Variants in CDC16 observed in about 807,000 individuals in gnomAD.
The protein encoded by CDC16 is cell division cycle 16.
CDC16 carries 34 observed loss-of-function variants against 87.0 expected under a neutral mutation model. That is an observed-to-expected ratio of 0.39 (90% CI 0.30 to 0.52). The LOEUF (loss-of-function observed/expected upper bound fraction) is 0.52, where lower values mean the gene tolerates loss of function less well. CDC16 is among the 20% of genes least tolerant of loss of function. The probability of loss-of-function intolerance (pLI) is 0.74; values close to 1 mark genes in which losing one functional copy is unlikely to be tolerated. For missense variants in CDC16, 653 were observed against 751.9 expected (o/e 0.87, Z 1.54); for synonymous variants, 263 against 260.6 (o/e 1.01, Z -0.09).
intron 1 of CDC16, among the ~76,000 whole-genome samples, chr13:114,236,443 A>T (rs2081253318): frequency 6.6e-6 from 1 of 152,198 alleles, no homozygotes; most frequent in Non-Finnish European, 1.5e-5. Context: ...TATTACAGGA[A>T]TGTTTGTATT....
At chr13:114,261,154 T>C (rs898061106) in intron 14 of CDC16, among the ~76,000 whole-genome samples, 1 of 152,140 alleles carries the variant, frequency 6.6e-6, no homozygotes, top group Non-Finnish European at 1.5e-5. Flanking sequence ...TTGCAAAAAT[T>C]GGAGCTAATT....
Position 114,243,300 on chromosome 13 carries a change from T to A in CDC16, c.585T>A (p.Asn195Lys), listed in dbSNP as rs2081654797. 1.3e-6 allele frequency: 2 copies of A among 1,596,412 alleles called. No individual in the cohort carries two copies. Among genetic ancestry groups the A allele is most frequent in the Admixed American group, 1.7e-5 (1 of 59,856 alleles). Residue 195 changes from asparagine (N) to lysine (K), a missense_variant, in exon 7 of 18, where the codon AAT becomes AAA. Coordinates refer to ENST00000356221, the MANE Select transcript of CDC16 (RefSeq NM_001078645.3). Reference sequence around the variant, plus strand: ...CACTACCCCTTAGCAAGCTGTGTAATGAAGAACAGGAATTGCTGCGTTTTC... The same window carrying A: ...CACTACCCCTTAGCAAGCTGTGTAAAGAAGAACAGGAATTGCTGCGTTTTC... Reference protein sequence around the residue: ...LESLPLSKLCNEEQELLRFLF... With the variant: ...LESLPLSKLCKEEQELLRFLF...
Position 114,236,791 on chromosome 13 carries a change from C to T in CDC16, c.104-8C>T, listed in dbSNP as rs201964578. ...CCTCTGACCACTTATGTGAATTTTT[C>T]CCTCCAGAAGAACCCCAGGACATCT... On this transcript the variant is annotated splice_polypyrimidine_tract_variant and splice_region_variant and intron_variant, in intron 2 of 17. Transcript: ENST00000356221. 33 of 1,612,562 alleles carry T rather than the reference C, an allele frequency of 2.0e-5. No homozygotes were observed. The highest frequency in any genetic ancestry group is 2.7e-5 in the Non-Finnish European group (32 of 1,178,866).
intron 16 of CDC16, among the ~76,000 whole-genome samples, chr13:114,264,604 G>A (rs2083075602): frequency 2.0e-5 from 3 of 152,018 alleles, no homozygotes; most frequent in African/African-American, 7.2e-5. Context: ...ACTCTGTATG[G>A]AGATAGAACT....
intron 17 of CDC16, among the ~76,000 whole-genome samples, chr13:114,269,167 G>GTACC (rs1234280521): frequency 6.6e-6 from 1 of 152,082 alleles, no homozygotes; most frequent in African/African-American, 2.4e-5. Flanking sequence ...GTCTAAAATG[G>GTACC]TACCATTCTC....
At chr13:114,236,333 C>G (rs1192622610) in intron 1 of CDC16, among the ~76,000 whole-genome samples, 1 of 152,164 alleles carries the variant, frequency 6.6e-6, no homozygotes, top group East Asian at 1.9e-4. Context: ...TAATGACTAG[C>G]TTTTGCTGTT....
At chr13:114,235,723 A>G (rs977101495) in intron 1 of CDC16, among the ~76,000 whole-genome samples, 1 of 152,188 alleles carries the variant, frequency 6.6e-6, no homozygotes, top group Non-Finnish European at 1.5e-5. Flanking sequence ...CTTTCAGGAA[A>G]TTGGAAAGAA....
At chr13:114,249,255 A>G (rs1338523038) in intron 11 of CDC16, among the ~76,000 whole-genome samples, 2 of 152,032 alleles carry the variant, frequency 1.3e-5, no homozygotes, top group Non-Finnish European at 2.9e-5. Flanking sequence ...ACGAGAACCT[A>G]ATGCCTCTGA....
chr13:114,265,925 C>T (rs2083182789), intron 17 of CDC16, among the ~76,000 whole-genome samples: 1 of 152,092 alleles, frequency 6.6e-6, no homozygotes, highest in Non-Finnish European at 1.5e-5. Flanking sequence ...AAGCTATTCT[C>T]CTACCTCAGC....
intron 17 of CDC16, 66 bp from the exon 18 acceptor site, chr13:114,272,118 T>A: frequency 1.1e-6 from 1 of 891,186 alleles, no homozygotes; most frequent in South Asian, 1.8e-5. Context: ...GATGGTGTTA[T>A]ATAACAATAG....
Position 114,243,978 on chromosome 13 carries a change from GCTTA to G in CDC16, c.760_763del (p.Thr254LeufsTer2), listed in dbSNP as rs751823995. The G allele has an allele frequency of 6.2e-7, 1 of 1,608,278 alleles. No homozygotes were observed. The highest frequency in any genetic ancestry group is 8.5e-7 in the Non-Finnish European group (1 of 1,175,386). On this transcript the variant is annotated frameshift_variant, in exon 8 of 18. Transcript: ENST00000356221. LOFTEE classifies it high-confidence loss of function. ...ACTGTGATTTTAAAATGTGCTACAA[GCTTA>G]CTTCTGTGTAAGTATATCCATCCAT...
chr13:114,247,010 AATTT>A lies in CDC16; in HGVS notation c.971+11_971+14del, dbSNP rs1277281089. On this transcript the variant is annotated splice_region_variant and intron_variant, in intron 11 of 17. Coordinates refer to ENST00000356221, the MANE Select transcript of CDC16 (RefSeq NM_001078645.3). ...CATGCCAGAAGATATCTCAGGTATG[AATTT>A]ATTTTTTTCCTCTCTAGTTAACCTG... 6.3e-7 allele frequency: 1 copy of A among 1,593,996 alleles called. No homozygotes were observed. The highest frequency in any genetic ancestry group is 8.6e-7 in the Non-Finnish European group (1 of 1,162,018).
At chr13:114,252,418 G>A (rs975626589) in intron 12 of CDC16, among the ~76,000 whole-genome samples, 1 of 152,168 alleles carries the variant, frequency 6.6e-6, no homozygotes, top group Admixed American at 6.5e-5. Context: ...GAATTTGGGG[G>A]GCAGAGGGGA....
At chr13:114,240,320 C>T (rs965721541) in intron 5 of CDC16, among the ~76,000 whole-genome samples, 3 of 152,096 alleles carry the variant, frequency 2.0e-5, no homozygotes, top group African/African-American at 7.2e-5. Context: ...AGTGATTCTC[C>T]CACCTCAGCC....
chr13:114,246,261 GT>G (rs1357822463), intron 10 of CDC16, among the ~76,000 whole-genome samples: 1 of 152,044 alleles, frequency 6.6e-6, no homozygotes, highest in Non-Finnish European at 1.5e-5. Context: ...AAGCAAAAAG[GT>G]TTTTAAACCC....
chr13:114,259,467 C>G, intron 14 of CDC16, 69 bp downstream of exon 14: 1 of 846,872 alleles, frequency 1.2e-6, no homozygotes. Context: ...ATGAGGAAAA[C>G]AACACAGAAA....
At chr13:114,255,765 C>T (rs2082458671) in intron 12 of CDC16, among the ~76,000 whole-genome samples, 1 of 152,184 alleles carries the variant, frequency 6.6e-6, no homozygotes, top group Non-Finnish European at 1.5e-5. Flanking sequence ...GCCTCAGCCT[C>T]TCAAGTGTCT....
chr13:114,272,119 A>G (rs1051538808), intron 17 of CDC16, 65 bp from the exon 18 acceptor site: 5 of 906,652 alleles, frequency 5.5e-6, no homozygotes, highest in Non-Finnish European at 8.4e-6. Flanking sequence ...ATGGTGTTAT[A>G]TAACAATAGA....
chr13:114,249,918 T>G, intron 11 of CDC16, among the ~76,000 whole-genome samples: 1 of 152,160 alleles, frequency 6.6e-6, no homozygotes, highest in East Asian at 1.9e-4. Flanking sequence ...CAGTTTTAGT[T>G]CAAATGAATC....
Sources: gnomAD v4.1 joint callset for allele counts (sites outside exome capture counted in the v4.1 genomes callset) on GRCh38, gnomAD v4.1.1 for gene constraint, MANE v1.5 for transcripts, NCBI Gene and HGNC (gene_info 2026-07-23, HGNC 2026-07-21) for gene names.